The following CPHXL variants were observed in gnomAD, a reference collection of about 807,000 sequenced individuals.
The protein encoded by CPHXL is cytoplasmic polyadenylated homeobox like, also known as cytoplasmic polyadenylated homeobox-like protein.
intron 1 of CPHXL, among the ~76,000 whole-genome samples, chr16:75,718,801 C>T (rs1404316150): frequency 6.6e-6 from 1 of 152,158 alleles, no homozygotes; most frequent in Non-Finnish European, 1.5e-5. Flanking sequence ...TCGACACAGC[C>T]TAACATATTT....
At chr16:75,717,027 T>C (rs1959401860) in intron 2 of CPHXL, among the ~76,000 whole-genome samples, 1 of 152,230 alleles carries the variant, frequency 6.6e-6, no homozygotes, top group Admixed American at 6.5e-5. Flanking sequence ...AAGGCAACTT[T>C]CATCTTCCAT....
intron 2 of CPHXL, among the ~76,000 whole-genome samples, chr16:75,716,190 T>G (rs559350473): frequency 1.3e-5 from 2 of 152,274 alleles, no homozygotes; most frequent in African/African-American, 4.8e-5. Flanking sequence ...TGAGCAAATG[T>G]GTTTTTCCAC....
intron 2 of CPHXL, among the ~76,000 whole-genome samples, chr16:75,717,131 C>T (rs949654883): frequency 6.6e-6 from 1 of 152,198 alleles, no homozygotes; most frequent in Non-Finnish European, 1.5e-5. Flanking sequence ...CCATCTCAAA[C>T]ATCTACAGTC....
intron 2 of CPHXL, 133 bp downstream of exon 2, chr16:75,718,132 C>T (rs1959420045): frequency 2.6e-6 from 1 of 389,660 alleles, no homozygotes; most frequent in Admixed American, 4.5e-5. Context: ...GTGGGGGAAT[C>T]ACCTGAGCCT....
chr16:75,720,907 A>C (rs375927817), intron 1 of CPHXL, among the ~76,000 whole-genome samples: 1 of 152,234 alleles, frequency 6.6e-6, no homozygotes, highest in African/African-American at 2.4e-5. Context: ...CGGATCTCTC[A>C]GCAGAAACTC....
intron 1 of CPHXL, among the ~76,000 whole-genome samples, chr16:75,726,199 T>C (rs931722529): frequency 2.0e-5 from 3 of 152,200 alleles, no homozygotes; most frequent in Non-Finnish European, 4.4e-5. Context: ...TGACTTTAGG[T>C]AGATGATCCT....
In CPHXL at chr16:75,726,481, G is replaced by C. The variant is rs1959562035; in HGVS notation, c.-39C>G. 1 of 398,472 alleles carries C rather than the reference G, an allele frequency of 2.5e-6. No homozygotes were observed. Among genetic ancestry groups the C allele is most frequent in the East Asian group, 3.6e-5 (1 of 28,076 alleles). The allele number at this position is 398,472 out of a possible 1,614,324, so 24.7% of individuals were successfully genotyped here. A position where few individuals can be genotyped will look rare whatever the true frequency, so the allele number is the denominator to read the frequency against. The stretch of plus-strand genomic sequence containing the variant: ...ACCTGGACTTCACGGAGACCAGCAA[G>C]CAACTGAGATCAGCAAGCAACTGAG... On this transcript the variant is annotated 5_prime_UTR_variant, in exon 1 of 3. Coordinates refer to ENST00000640559, the MANE Select transcript of CPHXL (RefSeq NM_001355613.1).
At chr16:75,723,833 G>A (rs1199933985) in intron 1 of CPHXL, among the ~76,000 whole-genome samples, 4 of 152,190 alleles carry the variant, frequency 2.6e-5, no homozygotes, top group East Asian at 1.9e-4. Context: ...GAGGCATCAT[G>A]CTACCTGACT....
At chr16:75,726,252 A>G (rs963181587) in intron 1 of CPHXL, among the ~76,000 whole-genome samples, 166 bp downstream of exon 1, 5 of 152,230 alleles carry the variant, frequency 3.3e-5, no homozygotes. Context: ...GAAATTCAAG[A>G]GTCCAACTTC....
chr16:75,722,883 A>G (rs1470992401), intron 1 of CPHXL, among the ~76,000 whole-genome samples: 2 of 152,214 alleles, frequency 1.3e-5, no homozygotes, highest in Admixed American at 6.5e-5. Context: ...CCAGCAGCAC[A>G]TGAAAAAGCT....
chr16:75,714,807 G>T lies in CPHXL; in HGVS notation c.635C>A (p.Thr212Lys), dbSNP rs113944707. The change falls in exon 3 of 3, where the codon ACA (threonine) becomes AAA (lysine). Residue 212 changes from threonine to lysine, a missense_variant. Physicochemically the swap from Thr to Lys is moderately conservative, Grantham distance 78 (BLOSUM62 -1). Coordinates refer to ENST00000640559, the MANE Select transcript of CPHXL (RefSeq NM_001355613.1). ...QVASQSSYLVTGTEKHPGCAM... is the reference protein window; with the variant it reads ...QVASQSSYLVKGTEKHPGCAM... ...ACAGCCTGGATGCTTTTCAGTGCCT[G>T]TGACCAGATAGGAACTCTGGGAGGC... is the stretch of plus-strand genomic sequence containing the variant. 5.7e-3 allele frequency: 2,276 copies of T among 398,646 alleles called. 12 individuals are homozygous for T. Among genetic ancestry groups the T allele is most frequent in the Non-Finnish European group, 7.7e-3 (1,742 of 226,098 alleles). 24.7% of individuals were successfully genotyped at this position (398,646 alleles called of 1,614,324 possible). A position where few individuals can be genotyped will look rare whatever the true frequency, so the allele number is the denominator to read the frequency against.
At chr16:75,719,280 G>A (rs1371380006) in intron 1 of CPHXL, among the ~76,000 whole-genome samples, 1 of 152,154 alleles carries the variant, frequency 6.6e-6, no homozygotes, top group African/African-American at 2.4e-5. Flanking sequence ...GCAGGGCACC[G>A]AGCATGAGCC....
chr16:75,714,350 C>T lies in CPHXL; in HGVS notation c.1092G>A (p.Lys364=), dbSNP rs1276374780. ...LQSQLPQNNG[K]PLCSQLQHMS... is the part of the protein sequence containing the mutation. The stretch of plus-strand genomic sequence containing the variant: ...TGTGCTGCAGTTGAGAGCACAACGG[C>T]TTTCCATTATTCTGAGGCAGTTGAC... Residue 364 remains lysine (K), a synonymous_variant, in exon 3 of 3, where the codon AAG becomes AAA. Transcript: ENST00000640559. 2 of 398,468 alleles carry T rather than the reference C, an allele frequency of 5.0e-6. No individual in the cohort carries two copies. The highest frequency in any genetic ancestry group is 8.8e-6 in the Non-Finnish European group (2 of 226,076). 24.7% of individuals were successfully genotyped at this position (398,468 alleles called of 1,614,324 possible).
chr16:75,722,921 C>G (rs1022352841), intron 1 of CPHXL, among the ~76,000 whole-genome samples: 14 of 152,144 alleles, frequency 9.2e-5, no homozygotes, highest in East Asian at 5.8e-4. Flanking sequence ...TGGGCTTCAT[C>G]CCTGGGATGC....
Sources: allele counts gnomAD v4.1 joint callset (sites outside exome capture counted in the v4.1 genomes callset), GRCh38; gene constraint gnomAD v4.1.1; transcripts MANE v1.5; gene names NCBI Gene and HGNC (gene_info 2026-07-23, HGNC 2026-07-21).